Variants in DGKB observed in about 807,000 individuals in gnomAD.
DGKB encodes the protein diacylglycerol kinase beta, also known as 90 kDa diacylglycerol kinase.
DGKB carries 67 observed loss-of-function variants against 114.3 expected under a neutral mutation model. The ratio of observed to expected loss-of-function variants is 0.59; its 90% CI spans 0.48 to 0.72. The LOEUF (loss-of-function observed/expected upper bound fraction) is 0.72. Among genes scored for constraint, DGKB ranks in the 30% least tolerant of loss-of-function variants. DGKB has a pLI of 0.00. For missense variants in DGKB, 907 were observed against 975.2 expected, an observed-to-expected ratio of 0.93 and a Z score of 0.93; for synonymous variants, 398 against 323.1, an observed-to-expected ratio of 1.23 and a Z score of -2.49.
chr7:14,947,199 G>C (rs182941460), intron 1 of DGKB, among the ~76,000 whole-genome samples: 15 of 151,692 alleles, frequency 9.9e-5, no homozygotes, highest in African/African-American at 7.2e-5. Context: ...GTTTCAGTTT[G>C]TTATGTTTAA....
At chr7:14,782,670 G>C (rs952043474) in intron 2 of DGKB, among the ~76,000 whole-genome samples, 1 of 152,070 alleles carries the variant, frequency 6.6e-6, no homozygotes, top group Non-Finnish European at 1.5e-5. Flanking sequence ...AATTAAACAG[G>C]AGGGTTGGAG....
At chr7:14,926,500 GT>G (rs1290223781) in intron 1 of DGKB, among the ~76,000 whole-genome samples, 277 of 137,578 alleles carry the variant, frequency 2.0e-3, no homozygotes, top group African/African-American at 6.1e-3. Context: ...AGTGTTTTTT[GT>G]TTTTTTTTTT....
At chr7:14,684,472 C>T (rs990370986) in intron 10 of DGKB, among the ~76,000 whole-genome samples, 1 of 152,026 alleles carries the variant, frequency 6.6e-6, no homozygotes, top group East Asian at 1.9e-4. Context: ...TAATATCTAC[C>T]CTTTTTTATC....
intron 23 of DGKB, among the ~76,000 whole-genome samples, chr7:14,199,828 C>A (rs1289292248): frequency 1.3e-5 from 2 of 152,036 alleles, no homozygotes; most frequent in African/African-American, 2.4e-5. Flanking sequence ...TCTTAGCTTT[C>A]TGGATAACAA....
chr7:14,585,125 T>A (rs1283857112), intron 17 of DGKB, among the ~76,000 whole-genome samples: 1 of 152,154 alleles, frequency 6.6e-6, no homozygotes, highest in Non-Finnish European at 1.5e-5. Flanking sequence ...ATAATATCCA[T>A]GGATATTTAG....
At chr7:14,172,652 T>G (rs1268260727) in intron 25 of DGKB, among the ~76,000 whole-genome samples, 1 of 151,988 alleles carries the variant, frequency 6.6e-6, no homozygotes, top group African/African-American at 2.4e-5. Flanking sequence ...AGGAGAGATA[T>G]GGGGAGGCAA....
intron 1 of DGKB, among the ~76,000 whole-genome samples, chr7:14,956,877 G>C (rs1446245855): frequency 6.6e-6 from 1 of 151,622 alleles, no homozygotes; most frequent in East Asian, 1.9e-4. Flanking sequence ...AGGCAAATGA[G>C]CAGTTAACAT....
At chr7:14,303,535 T>C (rs1803926095) in intron 23 of DGKB, among the ~76,000 whole-genome samples, 2 of 152,234 alleles carry the variant, frequency 1.3e-5, no homozygotes, top group Non-Finnish European at 2.9e-5. Flanking sequence ...TAATTTATTT[T>C]CCCATTTAAT....
At position 14,970,464 on chromosome 7, in the gene DGKB, T is replaced by TA. The variant is rs767014095; in HGVS notation, c.-188+4231dup. ...CAGGTTTGGCAAATAAAGTAAAAAT[T>TA]AAAAAAAAAGATTTATAAAGCTATA... On this transcript the variant is annotated intron_variant, in intron 1 of 4. Transcript: ENST00000437998. Among the ~76,000 whole-genome samples the TA allele has an allele frequency of 4.9e-4, 73 of 149,318 alleles. 1 individual carries two copies. In the East Asian group the frequency reaches 0.01, roughly 21 times the overall value.
intron 23 of DGKB, among the ~76,000 whole-genome samples, chr7:14,239,514 T>G (rs536675230): frequency 3.9e-5 from 6 of 152,188 alleles, no homozygotes; most frequent in Non-Finnish European, 7.4e-5. Flanking sequence ...TCCTTACATT[T>G]GTATAGCACT....
At chr7:14,539,987 G>A (rs531069481) in intron 20 of DGKB, among the ~76,000 whole-genome samples, 11 of 151,792 alleles carry the variant, frequency 7.2e-5, no homozygotes, top group Non-Finnish European at 1.5e-4. Flanking sequence ...AAACATCATT[G>A]AGCATGTTTT....
At chr7:14,486,314 T>C (rs1278883550) in intron 20 of DGKB, among the ~76,000 whole-genome samples, 1 of 152,190 alleles carries the variant, frequency 6.6e-6, no homozygotes, top group South Asian at 2.1e-4. Flanking sequence ...CCTATTGTAA[T>C]TGGAGGAAAG....
At chr7:14,674,985 G>A (rs1218195708) in intron 12 of DGKB, among the ~76,000 whole-genome samples, 5 of 151,916 alleles carry the variant, frequency 3.3e-5, no homozygotes, top group East Asian at 1.9e-4. Context: ...CTATGAAAAC[G>A]GCACTAAAAC....
At chr7:14,293,766 C>A (rs923369970) in intron 23 of DGKB, among the ~76,000 whole-genome samples, 3 of 152,106 alleles carry the variant, frequency 2.0e-5, no homozygotes, top group African/African-American at 7.2e-5. Flanking sequence ...TAAAAACTCT[C>A]CAGTTTGAAA....
chr7:14,833,559 A>G (rs1162811847), intron 2 of DGKB, among the ~76,000 whole-genome samples: 4 of 152,122 alleles, frequency 2.6e-5, no homozygotes, highest in Admixed American at 2.6e-4. Flanking sequence ...TCAGGAGTGT[A>G]TTCATTTCAT....
chr7:14,183,988 G>C (rs1200160533), intron 23 of DGKB, among the ~76,000 whole-genome samples: 1 of 152,220 alleles, frequency 6.6e-6, no homozygotes, highest in African/African-American at 2.4e-5. Context: ...AAGTGGAAAA[G>C]GGAGACCCTC....
intron 13 of DGKB, among the ~76,000 whole-genome samples, chr7:14,656,753 T>TATACAC (rs139391597): frequency 1.1e-4 from 17 of 149,328 alleles, no homozygotes; most frequent in Non-Finnish European, 2.1e-4. Flanking sequence ...ATAGGATATA[T>TATACAC]ACACACACAC....
chr7:14,824,438 G>A (rs891681811), intron 2 of DGKB, among the ~76,000 whole-genome samples: 1 of 152,138 alleles, frequency 6.6e-6, no homozygotes, highest in Non-Finnish European at 1.5e-5. Flanking sequence ...AGAAATAAGT[G>A]AGAAGACAGA....
chr7:14,241,900 C>T (rs1793698624), intron 23 of DGKB, among the ~76,000 whole-genome samples: 1 of 150,930 alleles, frequency 6.6e-6, no homozygotes, highest in African/African-American at 2.4e-5. Context: ...GATAACAAGA[C>T]AAATTGCATC....
Sources: allele counts gnomAD v4.1 joint callset (sites outside exome capture counted in the v4.1 genomes callset), GRCh38; gene constraint gnomAD v4.1.1; transcripts MANE v1.5; gene names NCBI Gene and HGNC (gene_info 2026-07-23, HGNC 2026-07-21).